Variants in CCAR1 observed in about 807,000 individuals in gnomAD.
CCAR1 encodes cell division cycle and apoptosis regulator protein 1.
In CCAR1, 78 loss-of-function variants were observed where a neutral mutation model predicts 163.8. The ratio of observed to expected loss-of-function variants is 0.48; its 90% CI spans 0.40 to 0.57. The LOEUF (loss-of-function observed/expected upper bound fraction) is 0.57. Among genes scored for constraint, CCAR1 ranks in the 20% least tolerant of loss-of-function variants. The probability of loss-of-function intolerance (pLI) is 0.00; values close to 1 mark genes in which losing one functional copy is unlikely to be tolerated. For missense variants in CCAR1, 1,019 were observed against 1,365.2 expected (o/e 0.75, Z 4.00); for synonymous variants, 443 against 460.7 (o/e 0.96, Z 0.49).
chr10:68,740,295 C>T (rs1002394912), intron 4 of CCAR1, among the ~76,000 whole-genome samples: 12 of 152,164 alleles, frequency 7.9e-5, no homozygotes, highest in Non-Finnish European at 1.6e-4. Flanking sequence ...GAATGAGTTA[C>T]TTACATATGA....
rs780300158 is a variant in CCAR1 at position 68,788,266 on chromosome 10, A to G, written c.3125A>G (p.Glu1042Gly). The G allele has an allele frequency of 1.0e-4, 163 of 1,598,550 alleles. No individual in the cohort carries two copies. Among genetic ancestry groups the G allele is most frequent in the Non-Finnish European group, 1.3e-4 (154 of 1,175,568 alleles). ...GTAGGAAGCCTCTTGCAAAAATTGG[A>G]AAAGAGCGAAAAAGTAAGAGCTGAG... is the stretch of plus-strand genomic sequence containing the variant. ...VDVGSLLQKL[E>G]KSEKVRAEVE... The change falls in exon 23 of 25, where the codon GAA (glutamate) becomes GGA (glycine). Residue 1042 changes from glutamate (E) to glycine (G), a missense_variant. Glu to Gly is a moderately conservative substitution (Grantham distance 98). Transcript: ENST00000265872.
rs911611198 is a variant in CCAR1, at chr10:68,757,449, C to A, written c.1920+72C>A. On this transcript the variant is annotated intron_variant, in intron 15 of 24. Transcript: ENST00000265872. ...GTTCTTTCTGAGATGGAGTCTCGCT[C>A]TGTCGCCCAGGCTGGAGTGTAGTGG... 31 of 827,906 alleles carry A rather than the reference C, an allele frequency of 3.7e-5. No homozygotes were observed. The African/African-American group carries it at 4.8e-4, about 13-fold the overall frequency. The allele number at this position is 827,906 out of a possible 1,614,324, so 51.3% of individuals were successfully genotyped here.
At position 68,747,333 on chromosome 10, in the gene CCAR1, A is replaced by G. The variant is rs374047363; in HGVS notation, c.634-41A>G. Reference sequence around the variant, plus strand: ...GCTTGGTAAATGAGTCTTCTAATTCACAAAGATTTTTTTTCTTATTCTTTC... The same window carrying G: ...GCTTGGTAAATGAGTCTTCTAATTCGCAAAGATTTTTTTTCTTATTCTTTC... On this transcript the variant is annotated intron_variant, in intron 7 of 24. Coordinates refer to ENST00000265872, the MANE Select transcript of CCAR1 (RefSeq NM_018237.4). 17 of 1,598,594 alleles carry G rather than the reference A, an allele frequency of 1.1e-5. No individual in the cohort carries two copies. In the African/African-American group the frequency reaches 2.0e-4, roughly 19 times the overall value.
At chr10:68,739,793 C>A (rs962440158) in intron 4 of CCAR1, among the ~76,000 whole-genome samples, 3 of 152,056 alleles carry the variant, frequency 2.0e-5, no homozygotes, top group East Asian at 1.9e-4. Context: ...TCTTAACTTA[C>A]AAAAAAATAG....
chr10:68,728,353 C>T (rs2055978769), intron 2 of CCAR1, among the ~76,000 whole-genome samples: 1 of 150,068 alleles, frequency 6.7e-6, no homozygotes, highest in Admixed American at 6.6e-5. Flanking sequence ...AAAAATAATC[C>T]TGGAGGTTTT....
chr10:68,743,378 C>T (rs559906408), intron 6 of CCAR1, among the ~76,000 whole-genome samples: 1 of 151,754 alleles, frequency 6.6e-6, no homozygotes, highest in Non-Finnish European at 1.5e-5. Flanking sequence ...ATTGGCCAGG[C>T]TGGTCTCGAA....
chr10:68,766,105 T>A, intron 17 of CCAR1, 26 bp downstream of exon 17: 1 of 1,430,932 alleles, frequency 7.0e-7, no homozygotes, highest in Non-Finnish European at 9.9e-7. Flanking sequence ...TGAAATAAGA[T>A]CCATATAAGG....
At chr10:68,759,635 G>A (rs1211276615) in intron 15 of CCAR1, among the ~76,000 whole-genome samples, 2 of 151,756 alleles carry the variant, frequency 1.3e-5, no homozygotes, top group African/African-American at 2.4e-5. Flanking sequence ...GAGGTGGGAG[G>A]ATCACTTGAA....
At chr10:68,724,736 G>A (rs1049222772) in intron 2 of CCAR1, among the ~76,000 whole-genome samples, 1 of 152,176 alleles carries the variant, frequency 6.6e-6, no homozygotes, top group African/African-American at 2.4e-5. Context: ...AGTGAGCCAT[G>A]ATGGTGCCAT....
At chr10:68,729,606 G>A (rs2056004849) in intron 2 of CCAR1, among the ~76,000 whole-genome samples, 1 of 151,692 alleles carries the variant, frequency 6.6e-6, no homozygotes, top group Non-Finnish European at 1.5e-5. Context: ...CGCTTTGAGA[G>A]GGTCGCTTGA....
At chr10:68,760,248 A>G (rs1261608510) in intron 15 of CCAR1, among the ~76,000 whole-genome samples, 1 of 152,130 alleles carries the variant, frequency 6.6e-6, no homozygotes, top group South Asian at 2.1e-4. Context: ...CCTGGGCTCA[A>G]GCAGTCTTCC....
rs187617024 is a variant in CCAR1 at position 68,737,907 on chromosome 10, G to C, written c.291+18G>C. 6 of 1,553,232 alleles carry C rather than the reference G, an allele frequency of 3.9e-6. No homozygotes were observed. Among genetic ancestry groups the C allele is most frequent in the Non-Finnish European group, 5.3e-6 (6 of 1,140,418 alleles). Reference sequence around the variant, plus strand: ...AACAACAGGTTAGTTTATATTTTCCGTGTTAAAAACTGATTTTAAAATAGC... The same window carrying C: ...AACAACAGGTTAGTTTATATTTTCCCTGTTAAAAACTGATTTTAAAATAGC... On this transcript the variant is annotated intron_variant, in intron 4 of 24. Coordinates refer to ENST00000265872, the MANE Select transcript of CCAR1 (RefSeq NM_018237.4).
chr10:68,764,705 C>T (rs990940575), intron 16 of CCAR1, among the ~76,000 whole-genome samples: 7 of 152,154 alleles, frequency 4.6e-5, no homozygotes, highest in African/African-American at 1.7e-4. Flanking sequence ...CAGATAGGGT[C>T]AGATACATGA....
chr10:68,781,113 T>TA (rs2056729969), intron 19 of CCAR1, among the ~76,000 whole-genome samples: 1 of 152,004 alleles, frequency 6.6e-6, no homozygotes, highest in Non-Finnish European at 1.5e-5. Context: ...ACGCTTGTAA[T>TA]ACCAGCTACT....
At chr10:68,736,581 T>G (rs2056113701) in intron 2 of CCAR1, among the ~76,000 whole-genome samples, 1 of 151,692 alleles carries the variant, frequency 6.6e-6, no homozygotes, top group Admixed American at 6.6e-5. Context: ...TGCAATACTC[T>G]TTTTTCTGTG....
At chr10:68,764,211 C>A (rs2056509056) in intron 16 of CCAR1, among the ~76,000 whole-genome samples, 1 of 152,106 alleles carries the variant, frequency 6.6e-6, no homozygotes, top group Admixed American at 6.6e-5. Context: ...CTTGCTCCAT[C>A]TGGGTTTCAA....
intron 15 of CCAR1, 125 bp from the exon 16 acceptor site, chr10:68,760,882 A>AC (rs2056461161): frequency 2.3e-4 from 3 of 13,270 alleles, no homozygotes; most frequent in East Asian, 8.7e-4. Flanking sequence ...CAAAAAACAA[A>AC]AAAAAAAAAA....
At chr10:68,755,603 T>A in intron 13 of CCAR1, 67 bp downstream of exon 13, 11 of 1,371,256 alleles carry the variant, frequency 8.0e-6, no homozygotes, top group Non-Finnish European at 1.0e-5. Flanking sequence ...TTCTTATCGA[T>A]CAGCCTTTTC....
intron 19 of CCAR1, among the ~76,000 whole-genome samples, chr10:68,775,788 C>T (rs1175531361): frequency 2.8e-5 from 4 of 143,210 alleles, no homozygotes; most frequent in Non-Finnish European, 6.0e-5. Context: ...CCTCTGTCTC[C>T]CAGTTTCAAG....
Sources: gnomAD v4.1 joint callset for allele counts (sites outside exome capture counted in the v4.1 genomes callset) on GRCh38, gnomAD v4.1.1 for gene constraint, MANE v1.5 for transcripts, NCBI Gene and HGNC (gene_info 2026-07-23, HGNC 2026-07-21) for gene names.